CERS3: variants seen among roughly 807,000 people sequenced by gnomAD.
CERS3 encodes ceramide synthase 3.
CERS3 carries 33 observed loss-of-function variants against 50.3 expected under a neutral mutation model. The ratio of observed to expected loss-of-function variants is 0.66; its 90% CI spans 0.50 to 0.88. CERS3 has a LOEUF of 0.88. Ranked by LOEUF, CERS3 falls within the 40% of genes least tolerant of loss-of-function variation. CERS3 has a pLI of 0.00. For synonymous variants in CERS3, 176 were observed against 155.2 expected (o/e 1.13, Z -0.99); for missense variants, 470 against 460.3 (o/e 1.02, Z -0.19).
rs146116768 is a variant in CERS3, at chr15:100,412,389, C to G, written c.1000-9524G>C. ...ACCATACATATGTGAGGGTTTATTT[C>G]TCTATTCTATACCATGGTCTTTATG... On this transcript the variant is annotated intron_variant, in intron 11 of 11. Transcript: ENST00000679737. 5.2e-3 allele frequency among the ~76,000 whole-genome samples: 794 copies of G among 152,208 alleles called. 7 individuals are homozygous for G. Among genetic ancestry groups the G allele is most frequent in the African/African-American group, 0.018 (760 of 41,526 alleles).
At position 100,473,085 on chromosome 15, in the gene CERS3, G is replaced by C. The variant is rs199508614; in HGVS notation, c.610-33C>G. The C allele has an allele frequency of 8.1e-4, 1,282 of 1,590,280 alleles. 9 individuals carry two copies. In the African/African-American group the frequency reaches 0.012, roughly 15 times the overall value. On this transcript the variant is annotated intron_variant, in intron 8 of 11. Coordinates refer to ENST00000679737, the MANE Select transcript of CERS3 (RefSeq NM_001378789.1). Reference sequence around the variant, plus strand: ...ATGAGGGAAAATGGAAGCCATTAAGGAAATGCATTTATTTCCCAATCACTG... The same window carrying C: ...ATGAGGGAAAATGGAAGCCATTAAGCAAATGCATTTATTTCCCAATCACTG...
At position 100,440,721 on chromosome 15, in the gene CERS3, C is replaced by A. The variant is rs981209534; in HGVS notation, c.999+15172G>T. On this transcript the variant is annotated intron_variant, in intron 11 of 11. Coordinates refer to ENST00000679737, the MANE Select transcript of CERS3 (RefSeq NM_001378789.1). The stretch of plus-strand genomic sequence containing the variant: ...CTACGACCTCAGGTCCTCAGACCGA[C>A]CAGCCCAAGAAACATCTCACCAATT... Among the ~76,000 whole-genome samples the A allele has an allele frequency of 2.6e-5, 4 of 152,370 alleles. No individual in the cohort carries two copies. The East Asian group carries it at 7.7e-4, about 29-fold the overall frequency.
chr15:100,525,332 C>CA (rs936445505), intron 1 of CERS3, among the ~76,000 whole-genome samples: 3 of 151,828 alleles, frequency 2.0e-5, no homozygotes, highest in African/African-American at 2.4e-5. Flanking sequence ...GCAGGTAGGC[C>CA]AAAAAAATAA....
chr15:100,495,898 T>C (rs556400419), intron 3 of CERS3, among the ~76,000 whole-genome samples: 1 of 152,350 alleles, frequency 6.6e-6, no homozygotes, highest in Non-Finnish European at 1.5e-5. Flanking sequence ...CCTTAGAACA[T>C]TTCCATCATT....
At chr15:100,513,370 C>T (rs1006118863) in intron 2 of CERS3, among the ~76,000 whole-genome samples, 3 of 152,158 alleles carry the variant, frequency 2.0e-5, no homozygotes, top group African/African-American at 7.2e-5. Flanking sequence ...TTCCCTCTCC[C>T]TGCACTCTCC....
At chr15:100,487,293 C>A (rs145912336) in intron 4 of CERS3, among the ~76,000 whole-genome samples, 541 of 152,294 alleles carry the variant, frequency 3.6e-3, no homozygotes, top group African/African-American at 0.012. Context: ...GTTAATGGTA[C>A]AAATAATAAT....
intron 11 of CERS3, among the ~76,000 whole-genome samples, chr15:100,429,638 T>C (rs530539120): frequency 2.0e-5 from 3 of 152,314 alleles, no homozygotes; most frequent in Non-Finnish European, 2.9e-5. Flanking sequence ...CCTTCAAACA[T>C]TGGTTAATTT....
intron 10 of CERS3, among the ~76,000 whole-genome samples, chr15:100,464,458 G>A (rs2034650125): frequency 6.6e-6 from 1 of 152,208 alleles, no homozygotes. Context: ...ACACTCAGCT[G>A]TGACAGACAC....
At chr15:100,490,286 A>G (rs1205918929) in intron 4 of CERS3, among the ~76,000 whole-genome samples, 2 of 152,178 alleles carry the variant, frequency 1.3e-5, no homozygotes, top group Non-Finnish European at 2.9e-5. Context: ...TTGTGAAGAG[A>G]ACTGTGACTC....
chr15:100,411,545 C>T (rs972943293), intron 11 of CERS3, among the ~76,000 whole-genome samples: 1 of 152,180 alleles, frequency 6.6e-6, no homozygotes, highest in East Asian at 1.9e-4. Flanking sequence ...TCTCAATGGT[C>T]GCTGGATTGC....
chr15:100,480,775 T>C (rs1316338211), intron 5 of CERS3, among the ~76,000 whole-genome samples: 1 of 152,208 alleles, frequency 6.6e-6, no homozygotes, highest in Non-Finnish European at 1.5e-5. Flanking sequence ...AGAGTTCTTA[T>C]CTTTTCGAGA....
intron 1 of CERS3, among the ~76,000 whole-genome samples, chr15:100,543,109 A>G (rs2037240271): frequency 1.3e-5 from 2 of 151,974 alleles, no homozygotes; most frequent in Admixed American, 6.5e-5. Flanking sequence ...GCAGGGTTTC[A>G]CTATGTTGGC....
chr15:100,480,002 G>A lies in CERS3; in HGVS notation c.452C>T (p.Ala151Val), dbSNP rs372884134. ...AAGATAACTTACATCATAAAGAAACGCAATTCCAGCAACAGTGATCATTAA... is the reference window on the plus strand; with the variant it reads ...AAGATAACTTACATCATAAAGAAACACAATTCCAGCAACAGTGATCATTAA... ...FYLMITVAGI[A>V]FLYDKPWLYD... Residue 151 changes from alanine to valine, a missense_variant, in exon 6 of 12, where the codon GCG becomes GTG. Transcript: ENST00000679737. The A allele has an allele frequency of 4.9e-5, 78 of 1,607,390 alleles. No individual in the cohort carries two copies. The highest frequency in any genetic ancestry group is 6.4e-5 in the Non-Finnish European group (75 of 1,177,368).
intron 11 of CERS3, among the ~76,000 whole-genome samples, chr15:100,430,563 C>G (rs1271289147): frequency 6.6e-6 from 1 of 152,266 alleles, no homozygotes; most frequent in East Asian, 1.9e-4. Flanking sequence ...GCAGAAATGT[C>G]AAAAGCCCAG....
At chr15:100,420,367 C>A (rs1328509234) in intron 11 of CERS3, among the ~76,000 whole-genome samples, 1 of 152,052 alleles carries the variant, frequency 6.6e-6, no homozygotes, top group Non-Finnish European at 1.5e-5. Flanking sequence ...TAACACTCTC[C>A]CAAGACTAAA....
intron 11 of CERS3, among the ~76,000 whole-genome samples, chr15:100,417,439 G>A (rs1177084951): frequency 2.6e-5 from 4 of 152,080 alleles, no homozygotes; most frequent in Non-Finnish European, 5.9e-5. Flanking sequence ...CTACCCCACG[G>A]AGTCTCGCTG....
intron 5 of CERS3, among the ~76,000 whole-genome samples, chr15:100,483,358 G>A (rs1193903957): frequency 1.3e-5 from 2 of 152,148 alleles, no homozygotes; most frequent in Non-Finnish European, 2.9e-5. Flanking sequence ...CGACTCACAT[G>A]TTACCCCCTT....
intron 11 of CERS3, among the ~76,000 whole-genome samples, chr15:100,431,852 A>G (rs1474354897): frequency 1.3e-5 from 2 of 152,220 alleles, no homozygotes; most frequent in Admixed American, 6.5e-5. Flanking sequence ...CAACATAGCT[A>G]GCATGTAACA....
chr15:100,507,835 G>T (rs377472708), intron 2 of CERS3, among the ~76,000 whole-genome samples: 1 of 152,244 alleles, frequency 6.6e-6, no homozygotes, highest in Non-Finnish European at 1.5e-5. Flanking sequence ...CCGAGGCAGC[G>T]GCGGCCGTGA....
Sources: allele counts gnomAD v4.1 joint callset (sites outside exome capture counted in the v4.1 genomes callset), GRCh38; gene constraint gnomAD v4.1.1; transcripts MANE v1.5; gene names NCBI Gene and HGNC (gene_info 2026-07-23, HGNC 2026-07-21).